Variants in TRMT44 observed in about 807,000 individuals in gnomAD.
The protein encoded by TRMT44 is probable tRNA (uracil-O(2)-)-methyltransferase.
In TRMT44, 78 loss-of-function variants were observed where a neutral mutation model predicts 77.3. The observed-to-expected ratio is 1.01, with a 90% CI of 0.84 to 1.22. The LOEUF is 1.22. Ranked by LOEUF, TRMT44 falls within the 50% of genes most tolerant of loss-of-function variation. The pLI is 0.00. For synonymous variants in TRMT44, 391 were observed against 383.3 expected (o/e 1.02, Z -0.23); for missense variants, 1,090 against 964.4 (o/e 1.13, Z -1.73).
intron 2 of TRMT44, among the ~76,000 whole-genome samples, chr4:8,482,706 T>A (rs1388787647): frequency 1.3e-5 from 2 of 152,112 alleles, no homozygotes; most frequent in Non-Finnish European, 2.9e-5. Flanking sequence ...ACACTTCTTT[T>A]GTGGTGGAAT....
downstream of TRMT44, among the ~76,000 whole-genome samples, chr4:8,494,771 GT>G (rs1728104102): frequency 1.3e-5 from 2 of 151,878 alleles, no homozygotes; most frequent in African/African-American, 4.8e-5. Flanking sequence ...GATATTTTGG[GT>G]TCAAATACCC....
the TRMT44 span, among the ~76,000 whole-genome samples, chr4:8,504,458 GC>G: frequency 6.6e-6 from 1 of 152,000 alleles, no homozygotes; most frequent in Admixed American, 6.6e-5. This position sits in a 1 kb window ranked among gnomAD's most constrained non-coding sequence, Gnocchi z 5.3. Context: ...CTCCTGCCCC[GC>G]CCCACTCATT....
chr4:8,503,841 T>C, the TRMT44 span, among the ~76,000 whole-genome samples: 44 of 152,272 alleles, frequency 2.9e-4, no homozygotes, highest in African/African-American at 8.9e-4. Flanking sequence ...AATGTTGGAG[T>C]TCCGGAAGGC....
chr4:8,451,868 G>A lies in TRMT44; in HGVS notation c.955-92G>A. 2 of 1,179,750 alleles carry A rather than the reference G, an allele frequency of 1.7e-6. No homozygotes were observed. Among genetic ancestry groups the A allele is most frequent in the Non-Finnish European group, 2.4e-6 (2 of 823,596 alleles). 73.1% of individuals were successfully genotyped at this position (1,179,750 alleles called of 1,614,324 possible). A position where few individuals can be genotyped will look rare whatever the true frequency, so the allele number is the denominator to read the frequency against. ...CCTATTTTAGTGTACGATTAGTCCA[G>A]TTTGATTTATGCTTTATAGGGATAC... On this transcript the variant is annotated intron_variant, in intron 3 of 10. Coordinates refer to ENST00000389737, the MANE Select transcript of TRMT44 (RefSeq NM_152544.3). This position sits in a 1 kb window ranked among gnomAD's most constrained non-coding sequence, Gnocchi z 4.1.
chr4:8,471,095 C>A lies in TRMT44; in HGVS notation c.1939C>A (p.Leu647Met). 1 of 1,597,694 alleles carries A rather than the reference C, an allele frequency of 6.3e-7. No homozygotes were observed. Among genetic ancestry groups the A allele is most frequent in the Non-Finnish European group, 8.5e-7 (1 of 1,174,056 alleles). ...CCGTTTTTCCACAGAGAGCCTATCT[C>A]TGGCAGAAGTAGCCAACGAGCTGGA... ...KTWNGGESLS[L>M]AEVANELDTE... is the part of the protein sequence containing the mutation. Residue 647 changes from leucine (L) to methionine (M), a missense_variant, in exon 10 of 11, where the codon CTG becomes ATG. Transcript: ENST00000389737.
At chr4:8,504,268 G>A in the TRMT44 span, among the ~76,000 whole-genome samples, 24 of 152,218 alleles carry the variant, frequency 1.6e-4, no homozygotes, top group African/African-American at 4.6e-4. This position sits in a 1 kb window ranked among gnomAD's most constrained non-coding sequence, Gnocchi z 5.3. Context: ...AGTCTCCTGC[G>A]CTCCTGCAGG....
At chr4:8,495,935 CG>C (rs554359731), downstream of TRMT44, among the ~76,000 whole-genome samples, 123 of 152,294 alleles carry the variant, frequency 8.1e-4, no homozygotes, top group Non-Finnish European at 1.5e-3. Flanking sequence ...TGGTCGTGGG[CG>C]GGGCCTATTC....
intron 9 of TRMT44, among the ~76,000 whole-genome samples, chr4:8,470,227 C>T (rs1726889269): frequency 1.3e-5 from 2 of 152,194 alleles, no homozygotes; most frequent in Admixed American, 6.5e-5. Flanking sequence ...GTTGGCCAGG[C>T]TGGGTGGGCA....
chr4:8,455,991 C>T (rs1331796520), intron 6 of TRMT44, among the ~76,000 whole-genome samples: 2 of 152,164 alleles, frequency 1.3e-5, no homozygotes, highest in African/African-American at 4.8e-5. Flanking sequence ...ACATACTAGT[C>T]TATTTTACCA....
chr4:8,478,212 C>G (rs904398352), downstream of TRMT44: 1 of 152,852 alleles, frequency 6.5e-6, no homozygotes, highest in Non-Finnish European at 1.5e-5. Flanking sequence ...GGCGGTGGCC[C>G]TGGGGAAGAT....
chr4:8,467,853 A>G (rs1579073957), intron 8 of TRMT44, 61 bp from the exon 9 acceptor site: 3 of 1,477,184 alleles, frequency 2.0e-6, no homozygotes, highest in South Asian at 2.7e-5. Flanking sequence ...AGAGAATTCC[A>G]TGGAGAACGT....
chr4:8,515,976 C>T, the TRMT44 span, among the ~76,000 whole-genome samples: 29 of 152,160 alleles, frequency 1.9e-4, no homozygotes, highest in African/African-American at 2.9e-4. Context: ...CTCCTTTGAG[C>T]GCCTGCATTC....
intron 9 of TRMT44, among the ~76,000 whole-genome samples, chr4:8,470,152 C>G (rs1726884410): frequency 6.6e-6 from 1 of 152,210 alleles, no homozygotes; most frequent in African/African-American, 2.4e-5. Flanking sequence ...AATATGTGAT[C>G]TTTTTTAAAA....
intron 3 of TRMT44, among the ~76,000 whole-genome samples, chr4:8,450,687 G>A (rs1474706917): frequency 3.3e-5 from 5 of 151,708 alleles, no homozygotes; most frequent in Non-Finnish European, 5.9e-5. Context: ...TTTATGCCCA[G>A]CTTAAGGCAG....
rs1008254314 is a variant in TRMT44, at chr4:8,451,960, G to C, written c.955G>C (p.Val319Leu). Residue 319 changes from valine (V) to leucine (L), a missense_variant and splice_region_variant, in exon 4 of 11, where the codon GTG becomes CTG. Physicochemically the swap from Val to Leu is conservative, Grantham distance 32. Coordinates refer to ENST00000389737, the MANE Select transcript of TRMT44 (RefSeq NM_152544.3). The surrounding 1 kb of genome is among the most constrained non-coding windows in gnomAD (Gnocchi z 4.1). The part of the protein sequence containing the change: ...LKEKYKEMVK[V>L]WPEVTDPEKF... ...ATGTTTGCTCTTGAAACTGTTTTAGGTGTGGCCTGAAGTCACTGATCCTGA... is the reference window on the plus strand; with the variant it reads ...ATGTTTGCTCTTGAAACTGTTTTAGCTGTGGCCTGAAGTCACTGATCCTGA... 6.5e-7 allele frequency: 1 copy of C among 1,536,714 alleles called. No individual in the cohort carries two copies. Among genetic ancestry groups the C allele is most frequent in the Non-Finnish European group, 8.7e-7 (1 of 1,147,012 alleles).
chr4:8,454,880 T>A, intron 6 of TRMT44, 67 bp downstream of exon 6: 2 of 1,412,828 alleles, frequency 1.4e-6, no homozygotes, highest in Non-Finnish European at 2.0e-6. Flanking sequence ...ATTGCTGTAA[T>A]GAATGTGTCT....
chr4:8,514,735 G>A, the TRMT44 span, among the ~76,000 whole-genome samples: 1 of 152,140 alleles, frequency 6.6e-6, no homozygotes, highest in Non-Finnish European at 1.5e-5. Flanking sequence ...GCGCTACATG[G>A]ATGTGTCCAC....
rs1726141535 is a variant in TRMT44 at position 8,461,324 on chromosome 4, ACT to A, written c.1204-2657_1204-2656del. On this transcript the variant is annotated intron_variant, in intron 6 of 10. Coordinates refer to ENST00000389737, the MANE Select transcript of TRMT44 (RefSeq NM_152544.3). This position sits in a 1 kb window ranked among gnomAD's most constrained non-coding sequence, Gnocchi z 4.6. ...CTGCAAATATGTGTGTAGACTATAG[ACT>A]CTCACACATGTCCCAGAATCGGGCT... is the stretch of plus-strand genomic sequence containing the variant. Among the ~76,000 whole-genome samples, 1 of 152,108 alleles carries A rather than the reference ACT, an allele frequency of 6.6e-6. No individual in the cohort carries two copies. The highest frequency in any genetic ancestry group is 2.4e-5 in the African/African-American group (1 of 41,414).
intron 10 of TRMT44, chr4:8,473,456 G>C (rs1412620548): frequency 6.6e-6 from 1 of 152,324 alleles, no homozygotes; most frequent in African/African-American, 2.4e-5. Context: ...GAGTGGAGAG[G>C]CCACGCCACA....
Sources: allele counts gnomAD v4.1 joint callset (sites outside exome capture counted in the v4.1 genomes callset), GRCh38; gene constraint gnomAD v4.1.1; non-coding constraint Gnocchi (gnomAD v3.1); transcripts MANE v1.5; gene names NCBI Gene and HGNC (gene_info 2026-07-23, HGNC 2026-07-21).